Variants in ATRNL1 observed in about 807,000 individuals in gnomAD.
The protein encoded by ATRNL1 is attractin-like protein 1.
ATRNL1 carries 95 observed loss-of-function variants against 182.7 expected under a neutral mutation model. The observed-to-expected ratio is 0.52, with a 90% CI of 0.44 to 0.62. The LOEUF is 0.62. Ranked by LOEUF, ATRNL1 falls within the 20% of genes least tolerant of loss-of-function variation. The pLI, the probability that ATRNL1 is intolerant of heterozygous loss-of-function variation, is 0.00. For missense variants in ATRNL1, 1,471 were observed against 1,679.5 expected, an observed-to-expected ratio of 0.88 and a Z score of 2.17; for synonymous variants, 576 against 568.3, an observed-to-expected ratio of 1.01 and a Z score of -0.19.
At chr10:115,589,172 C>T (rs371644236) in intron 26 of ATRNL1, among the ~76,000 whole-genome samples, 3 of 152,062 alleles carry the variant, frequency 2.0e-5, no homozygotes, top group African/African-American at 4.8e-5. Context: ...TTGACTATAA[C>T]GTATTCAGAT....
At chr10:115,626,745 T>G (rs868913007) in intron 26 of ATRNL1, among the ~76,000 whole-genome samples, 1 of 152,334 alleles carries the variant, frequency 6.6e-6, no homozygotes, top group Middle Eastern at 3.4e-3. Flanking sequence ...TATTTATTAC[T>G]TATTCATATA....
chr10:115,102,844 A>C (rs781864688), intron 1 of ATRNL1, among the ~76,000 whole-genome samples: 2 of 152,168 alleles, frequency 1.3e-5, no homozygotes, highest in Non-Finnish European at 2.9e-5. Flanking sequence ...TTGTCAATTA[A>C]AAAAGTCTTG....
chr10:115,877,914 G>A (rs1234587184), intron 28 of ATRNL1, among the ~76,000 whole-genome samples: 1 of 152,170 alleles, frequency 6.6e-6, no homozygotes, highest in Non-Finnish European at 1.5e-5. Flanking sequence ...GCACTAAATG[G>A]ACACTTAGAG....
intron 25 of ATRNL1, among the ~76,000 whole-genome samples, chr10:115,537,387 C>A (rs1400532753): frequency 6.6e-6 from 1 of 152,062 alleles, no homozygotes; most frequent in Non-Finnish European, 1.5e-5. Context: ...TCTTTTTTTC[C>A]AGTTTTCTGT....
intron 18 of ATRNL1, among the ~76,000 whole-genome samples, chr10:115,325,064 C>A (rs748677704): frequency 6.6e-6 from 1 of 151,940 alleles, no homozygotes; most frequent in Non-Finnish European, 1.5e-5. Flanking sequence ...TTAAATGTTG[C>A]GCATCTGTTG....
At chr10:115,443,657 T>G (rs1416421369) in intron 21 of ATRNL1, among the ~76,000 whole-genome samples, 2 of 152,104 alleles carry the variant, frequency 1.3e-5, no homozygotes, top group African/African-American at 4.8e-5. Flanking sequence ...CACAGTGTTT[T>G]GATATTCTCT....
intron 25 of ATRNL1, among the ~76,000 whole-genome samples, chr10:115,535,400 C>T (rs1414908955): frequency 4.6e-5 from 7 of 150,954 alleles, no homozygotes; most frequent in African/African-American, 1.7e-4. Context: ...TTGATCGCAT[C>T]GGCTCCTGAG....
chr10:115,196,725 T>C (rs956460061), intron 8 of ATRNL1, among the ~76,000 whole-genome samples: 1 of 152,142 alleles, frequency 6.6e-6, no homozygotes, highest in African/African-American at 2.4e-5. Context: ...ATTGCTAGTC[T>C]ATGTAAAAAT....
rs114914522 is a variant in ATRNL1 at position 115,877,806 on chromosome 10, G to A, written c.4018+29815G>A. 8.1e-3 allele frequency among the ~76,000 whole-genome samples: 1,236 copies of A among 152,158 alleles called. 16 individuals carry two copies. Among genetic ancestry groups the A allele is most frequent in the African/African-American group, 0.028 (1,151 of 41,516 alleles). ...CTTGGCAATATTTTTTTCTTGATAG[G>A]CAGATTTCACATATATTTTATTCAT... On this transcript the variant is annotated intron_variant, in intron 28 of 28. Transcript: ENST00000355044.
chr10:115,897,176 T>C (rs972994481), intron 28 of ATRNL1, among the ~76,000 whole-genome samples: 1 of 152,196 alleles, frequency 6.6e-6, no homozygotes, highest in Non-Finnish European at 1.5e-5. Context: ...ATGGCCTATA[T>C]GAACATGAAA....
At chr10:115,253,175 G>A (rs1460187043) in intron 10 of ATRNL1, among the ~76,000 whole-genome samples, 1 of 152,188 alleles carries the variant, frequency 6.6e-6, no homozygotes, top group Non-Finnish European at 1.5e-5. Context: ...CAAGAGGTAG[G>A]GGGATGATGC....
chr10:115,322,559 C>A (rs1400437600), intron 18 of ATRNL1, among the ~76,000 whole-genome samples: 1 of 151,890 alleles, frequency 6.6e-6, no homozygotes, highest in Non-Finnish European at 1.5e-5. Flanking sequence ...ATATGCATTT[C>A]CTATTTTTAT....
chr10:115,539,502 C>T (rs1391300206), intron 25 of ATRNL1, among the ~76,000 whole-genome samples: 3 of 152,130 alleles, frequency 2.0e-5, no homozygotes, highest in Non-Finnish European at 4.4e-5. Context: ...GCCATTTTTC[C>T]CCTTTAGTGC....
chr10:115,495,943 G>T (rs937626670), intron 24 of ATRNL1, among the ~76,000 whole-genome samples: 1 of 152,066 alleles, frequency 6.6e-6, no homozygotes, highest in Non-Finnish European at 1.5e-5. Flanking sequence ...CACTATTATT[G>T]TGTGGTTATG....
chr10:115,627,950 G>A (rs1371566421), intron 26 of ATRNL1, among the ~76,000 whole-genome samples: 1 of 151,972 alleles, frequency 6.6e-6, no homozygotes, highest in Non-Finnish European at 1.5e-5. Context: ...TTCGAGACCA[G>A]GCTGGCCAAC....
chr10:115,100,237 G>A (rs1843719905), intron 1 of ATRNL1, among the ~76,000 whole-genome samples: 1 of 152,008 alleles, frequency 6.6e-6, no homozygotes, highest in Non-Finnish European at 1.5e-5. Context: ...AGGCTGCAGT[G>A]AGCTGAGCTG....
In ATRNL1 at chr10:115,684,182, G is replaced by A. The variant is rs1449327710; in HGVS notation, c.3796-43066G>A. ...CAATTTATATTTTTTCATTAGCAAG[G>A]GCTTATAATTTAAACTTTCTACTTT... On this transcript the variant is annotated intron_variant, in intron 26 of 28. Transcript: ENST00000355044. 2.6e-5 allele frequency among the ~76,000 whole-genome samples: 4 copies of A among 151,060 alleles called. No individual in the cohort carries two copies. In the East Asian group the frequency reaches 7.7e-4, roughly 29 times the overall value.
At chr10:115,094,122 C>T (rs2084949629) in intron 1 of ATRNL1, 79 bp downstream of exon 1, 2 of 1,251,858 alleles carry the variant, frequency 1.6e-6, no homozygotes, top group South Asian at 2.4e-5. Flanking sequence ...CTCGCGGCCT[C>T]CCCCGCCCCC....
At chr10:115,834,890 T>A (rs186084299) in intron 27 of ATRNL1, among the ~76,000 whole-genome samples, 55 of 152,274 alleles carry the variant, frequency 3.6e-4, no homozygotes, top group Admixed American at 2.4e-3. Context: ...GTTGCAGTAG[T>A]TTTTACAACT....
Sources: allele counts gnomAD v4.1 joint callset (sites outside exome capture counted in the v4.1 genomes callset), GRCh38; gene constraint gnomAD v4.1.1; transcripts MANE v1.5; gene names NCBI Gene and HGNC (gene_info 2026-07-23, HGNC 2026-07-21).